The following BNC2 variants were observed in gnomAD, a reference collection of about 807,000 sequenced individuals.
The protein encoded by BNC2 is basonuclin zinc finger protein 2.
Under a neutral mutation model 76.3 loss-of-function variants are expected in BNC2, and 20 were observed. That is an observed-to-expected ratio of 0.26 (90% CI 0.18 to 0.38). The LOEUF (loss-of-function observed/expected upper bound fraction) is 0.38. BNC2 is among the 10% of genes least tolerant of loss of function. The pLI is 1.00. For synonymous variants in BNC2, 582 were observed against 514.8 expected, an observed-to-expected ratio of 1.13 and a Z score of -1.77; for missense variants, 1,382 against 1,399.8, an observed-to-expected ratio of 0.99 and a Z score of 0.20.
chr9:16,666,086 C>T (rs375617459), intron 3 of BNC2, among the ~76,000 whole-genome samples: 1 of 152,238 alleles, frequency 6.6e-6, no homozygotes, highest in African/African-American at 2.4e-5. Flanking sequence ...TTGACAACTA[C>T]TTTCAATGAG....
At chr9:16,501,563 T>A (rs1304718746) in intron 5 of BNC2, among the ~76,000 whole-genome samples, 3 of 152,218 alleles carry the variant, frequency 2.0e-5, no homozygotes, top group Non-Finnish European at 4.4e-5. Context: ...GAGTAGCTCT[T>A]GCAGAGCCTA....
chr9:16,610,334 C>T (rs528557765), intron 3 of BNC2, among the ~76,000 whole-genome samples: 2 of 152,108 alleles, frequency 1.3e-5, no homozygotes, highest in Non-Finnish European at 2.9e-5. Context: ...TAATTAAATT[C>T]AGTAAAACTT....
At chr9:16,564,925 A>T (rs950771261) in intron 4 of BNC2, among the ~76,000 whole-genome samples, 1 of 152,148 alleles carries the variant, frequency 6.6e-6, no homozygotes, top group African/African-American at 2.4e-5. Context: ...TAGCACGAAC[A>T]TTCAAAATTA....
At chr9:16,708,737 G>A (rs1314157017) in intron 3 of BNC2, among the ~76,000 whole-genome samples, 1 of 151,914 alleles carries the variant, frequency 6.6e-6, no homozygotes, top group Non-Finnish European at 1.5e-5. Flanking sequence ...GAGAGAAAAA[G>A]AAAAGGAAGA....
At chr9:16,508,234 C>A (rs185453882) in intron 5 of BNC2, among the ~76,000 whole-genome samples, 10 of 152,292 alleles carry the variant, frequency 6.6e-5, no homozygotes, top group African/African-American at 1.7e-4. Context: ...TATTCTGCTC[C>A]ATAGGTCCTC....
chr9:16,776,373 C>G (rs1359164599), intron 1 of BNC2, among the ~76,000 whole-genome samples: 1 of 152,084 alleles, frequency 6.6e-6, no homozygotes, highest in South Asian at 2.1e-4. Context: ...CCTCTGAGCT[C>G]AGGCAAGCTG....
chr9:16,869,480 C>G (rs933452592), intron 1 of BNC2, among the ~76,000 whole-genome samples: 1 of 151,754 alleles, frequency 6.6e-6, no homozygotes, highest in African/African-American at 2.4e-5. Context: ...CCAGTTGTGA[C>G]TTTGATCACT....
intron 3 of BNC2, among the ~76,000 whole-genome samples, chr9:16,583,440 C>G (rs1253344147): frequency 1.3e-5 from 2 of 152,066 alleles, no homozygotes; most frequent in Non-Finnish European, 2.9e-5. Context: ...TTAAATTTCT[C>G]TACTTGTCAA....
chr9:16,434,848 G>C (rs1423865434), intron 6 of BNC2: 2 of 457,370 alleles, frequency 4.4e-6, no homozygotes, highest in African/African-American at 2.0e-5. Context: ...CCGCATGGTA[G>C]ACTATAGTTT....
chr9:16,512,234 A>T (rs1047602612), intron 5 of BNC2, among the ~76,000 whole-genome samples: 1 of 152,204 alleles, frequency 6.6e-6, no homozygotes, highest in Non-Finnish European at 1.5e-5. Context: ...AAATTATTCT[A>T]TTCTGTCAAA....
intron 3 of BNC2, among the ~76,000 whole-genome samples, chr9:16,629,596 C>CAT (rs1444027701): frequency 1.3e-5 from 2 of 152,082 alleles, no homozygotes; most frequent in Non-Finnish European, 2.9e-5. Context: ...AAAGGATGAG[C>CAT]ATCTGCAGGC....
rs1390150279 is a variant in BNC2, at chr9:16,583,135, T to C, written c.331-50A>G. On this transcript the variant is annotated intron_variant, in intron 3 of 6. Coordinates refer to ENST00000380672, the MANE Select transcript of BNC2 (RefSeq NM_017637.6). ...GGTCAGCATCTGTTCAAAGATACTA[T>C]ACTCTTTTCACCATTTCAATAAATA... The C allele has an allele frequency of 4.2e-6, 6 of 1,420,794 alleles. No homozygotes were observed. The South Asian group carries it at 4.6e-5, about 11-fold the overall frequency. 88.0% of individuals were successfully genotyped at this position (1,420,794 alleles called of 1,614,324 possible).
At chr9:16,605,260 T>C (rs1486550110) in intron 3 of BNC2, among the ~76,000 whole-genome samples, 2 of 152,266 alleles carry the variant, frequency 1.3e-5, no homozygotes, top group African/African-American at 4.8e-5. Flanking sequence ...TTTCATATAT[T>C]ATCTGCAAAG....
intron 1 of BNC2, among the ~76,000 whole-genome samples, chr9:16,869,611 G>C (rs1325536447): frequency 2.0e-5 from 3 of 152,178 alleles, no homozygotes; most frequent in African/African-American, 4.8e-5. Flanking sequence ...CCCCAAGTGG[G>C]GGTAACAATA....
intron 3 of BNC2, among the ~76,000 whole-genome samples, chr9:16,630,940 C>T (rs1043975856): frequency 2.6e-5 from 4 of 151,856 alleles, no homozygotes; most frequent in Non-Finnish European, 4.4e-5. Flanking sequence ...GGTTTCTCCA[C>T]GTTGGTCAGG....
intron 1 of BNC2, among the ~76,000 whole-genome samples, chr9:16,821,167 A>T (rs1205542934): frequency 6.6e-6 from 1 of 151,134 alleles, no homozygotes; most frequent in African/African-American, 2.4e-5. Flanking sequence ...CAGGAGGCGG[A>T]GGTTGCAGTG....
chr9:16,605,470 C>G (rs1820358060), intron 3 of BNC2, among the ~76,000 whole-genome samples: 1 of 152,208 alleles, frequency 6.6e-6, no homozygotes, highest in African/African-American at 2.4e-5. Flanking sequence ...GCCAGGACTT[C>G]CGATCAACTT....
At chr9:16,465,155 G>T (rs1821676625) in intron 5 of BNC2, among the ~76,000 whole-genome samples, 2 of 152,144 alleles carry the variant, frequency 1.3e-5, no homozygotes. Flanking sequence ...TGTTAATAAG[G>T]CCAGGCCTGG....
intron 3 of BNC2, among the ~76,000 whole-genome samples, chr9:16,724,200 G>A (rs1468045212): frequency 1.3e-5 from 2 of 151,750 alleles, no homozygotes; most frequent in Admixed American, 6.6e-5. Flanking sequence ...TACCTTTATG[G>A]TTTCCTTTCT....
Sources: gnomAD v4.1 joint callset for allele counts (sites outside exome capture counted in the v4.1 genomes callset) on GRCh38, gnomAD v4.1.1 for gene constraint, MANE v1.5 for transcripts, NCBI Gene and HGNC (gene_info 2026-07-23, HGNC 2026-07-21) for gene names.